The following BMAL1 variants were observed in gnomAD, a reference collection of about 807,000 sequenced individuals.
BMAL1 encodes basic helix-loop-helix ARNT like 1.
At chr11:13,371,695 C>T in the BMAL1 span, among the ~76,000 whole-genome samples, 1 of 152,196 alleles carries the variant, frequency 6.6e-6, no homozygotes, top group Non-Finnish European at 1.5e-5. Flanking sequence ...TTTAATCTTC[C>T]TCCAACCTGC....
the BMAL1 span, chr11:13,386,867 T>G: frequency 3.0e-6 from 4 of 1,315,398 alleles, no homozygotes; most frequent in Non-Finnish European, 4.1e-6. Flanking sequence ...ATGTACTGAC[T>G]TCATAAAAGC....
chr11:13,369,825 G>A, the BMAL1 span: 143 of 1,575,236 alleles, frequency 9.1e-5, no homozygotes, highest in African/African-American at 1.4e-4. Context: ...TTTCTGCAGC[G>A]GAGCTCTCAG....
chr11:13,284,729 C>T, the BMAL1 span, among the ~76,000 whole-genome samples: 1 of 152,122 alleles, frequency 6.6e-6, no homozygotes, highest in Non-Finnish European at 1.5e-5. Context: ...CCACCCAGGT[C>T]ATCTTTTGAC....
At chr11:13,322,025 T>G in the BMAL1 span, among the ~76,000 whole-genome samples, 1 of 152,166 alleles carries the variant, frequency 6.6e-6, no homozygotes, top group South Asian at 2.1e-4. Context: ...GTTATCACCA[T>G]GTGAGGCTGG....
At chr11:13,359,588 A>G in the BMAL1 span, among the ~76,000 whole-genome samples, 1 of 152,224 alleles carries the variant, frequency 6.6e-6, no homozygotes, top group Non-Finnish European at 1.5e-5. Context: ...GATGGTTGCA[A>G]CACGTCCTGT....
the BMAL1 span, among the ~76,000 whole-genome samples, chr11:13,294,527 C>T: frequency 1.3e-5 from 2 of 152,206 alleles, no homozygotes; most frequent in Admixed American, 6.5e-5. Context: ...TATAAACTGT[C>T]ACACTATCTC....
the BMAL1 span, among the ~76,000 whole-genome samples, chr11:13,321,726 T>C: frequency 2.0e-5 from 3 of 152,122 alleles, no homozygotes; most frequent in Non-Finnish European, 1.5e-5. Context: ...AAACACAATT[T>C]CCCTTTCCTC....
the BMAL1 span, chr11:13,376,668 A>G: frequency 1.7e-5 from 27 of 1,613,924 alleles, no homozygotes; most frequent in Non-Finnish European, 1.0e-5. Flanking sequence ...CGGGGACCCA[A>G]CCTTCCCACA....
At chr11:13,349,595 AT>A in the BMAL1 span, among the ~76,000 whole-genome samples, 1 of 152,258 alleles carries the variant, frequency 6.6e-6, no homozygotes, top group Non-Finnish European at 1.5e-5. Context: ...TTTCACAATT[AT>A]GATTACTTGA....
At chr11:13,377,629 T>TG in the BMAL1 span, among the ~76,000 whole-genome samples, 1 of 152,250 alleles carries the variant, frequency 6.6e-6, no homozygotes, top group Non-Finnish European at 1.5e-5. Context: ...TATCGTCCTT[T>TG]GGTACTCCTC....
At chr11:13,355,833 T>C in the BMAL1 span, among the ~76,000 whole-genome samples, 1 of 152,172 alleles carries the variant, frequency 6.6e-6, no homozygotes, top group African/African-American at 2.4e-5. Flanking sequence ...ATGCCCATGA[T>C]ATGATCCAGT....
At chr11:13,309,796 T>C in the BMAL1 span, among the ~76,000 whole-genome samples, 5 of 152,188 alleles carry the variant, frequency 3.3e-5, no homozygotes, top group African/African-American at 1.2e-4. Context: ...CCATGGGTAC[T>C]GAGAGGAGGG....
the BMAL1 span, among the ~76,000 whole-genome samples, chr11:13,308,498 T>A: frequency 6.6e-6 from 1 of 151,786 alleles, no homozygotes; most frequent in Non-Finnish European, 1.5e-5. Context: ...CACGCTGACA[T>A]AAGAGGTGGG....
the BMAL1 span, among the ~76,000 whole-genome samples, chr11:13,314,425 G>C: frequency 1.3e-5 from 2 of 152,222 alleles, no homozygotes; most frequent in South Asian, 4.1e-4. Context: ...ATTGGCCATT[G>C]GGTTTATTGG....
the BMAL1 span, among the ~76,000 whole-genome samples, chr11:13,302,115 A>T: frequency 6.6e-6 from 1 of 152,164 alleles, no homozygotes; most frequent in Non-Finnish European, 1.5e-5. Flanking sequence ...AGAGGTGGGG[A>T]TGGGAGGAGG....
At chr11:13,344,595 T>C in the BMAL1 span, among the ~76,000 whole-genome samples, 1 of 152,220 alleles carries the variant, frequency 6.6e-6, no homozygotes, top group Non-Finnish European at 1.5e-5. Flanking sequence ...TGCAAACACC[T>C]GTTACCTTAG....
the BMAL1 span, among the ~76,000 whole-genome samples, chr11:13,333,789 C>T: frequency 6.6e-6 from 1 of 151,604 alleles, no homozygotes; most frequent in African/African-American, 2.4e-5. Context: ...GGCAGTGTTT[C>T]CTTAGTGACC....
At chr11:13,376,717 C>T in the BMAL1 span, 1 of 1,613,654 alleles carries the variant, frequency 6.2e-7, no homozygotes, top group Non-Finnish European at 8.5e-7. Flanking sequence ...AGCATGCTGC[C>T]CTCTGGAGAA....
chr11:13,312,211 TG>T, the BMAL1 span, among the ~76,000 whole-genome samples: 1 of 152,156 alleles, frequency 6.6e-6, no homozygotes, highest in South Asian at 2.1e-4. Context: ...ATGACCTATG[TG>T]GGGGGAATTA....
Sources: allele counts gnomAD v4.1 joint callset (sites outside exome capture counted in the v4.1 genomes callset), GRCh38; gene constraint gnomAD v4.1.1; transcripts MANE v1.5; gene names NCBI Gene and HGNC (gene_info 2026-07-23, HGNC 2026-07-21).